The following KCNN3 variants were observed in gnomAD, a reference collection of about 807,000 sequenced individuals.
The protein encoded by KCNN3 is small conductance calcium-activated potassium channel protein 3.
KCNN3 carries 16 observed loss-of-function variants against 62.9 expected under a neutral mutation model. That is an observed-to-expected ratio of 0.25 (90% confidence interval 0.17 to 0.39). KCNN3 has a LOEUF of 0.39. KCNN3 is among the 10% of genes least tolerant of loss of function. KCNN3 has a pLI of 1.00. For missense variants in KCNN3, 599 were observed against 949.4 expected (o/e 0.63, Z 4.85); for synonymous variants, 370 against 389.2 (o/e 0.95, Z 0.58).
intron 3 of KCNN3, among the ~76,000 whole-genome samples, chr1:154,763,838 T>G (rs1337717298): frequency 6.6e-6 from 1 of 152,240 alleles, no homozygotes; most frequent in African/African-American, 2.4e-5. Context: ...AAGATGTTTG[T>G]TTATAGGCTA....
Position 154,699,084 on chromosome 1 carries a change from T to A in KCNN3, c.*8892A>T, listed in dbSNP as rs909119434. The A allele has an allele frequency of 6.6e-6, 1 of 152,016 alleles. No homozygotes were observed. Among genetic ancestry groups the A allele is most frequent in the Non-Finnish European group, 1.5e-5 (1 of 68,004 alleles). The allele number at this position is 152,016 out of a possible 1,614,324, so 9.4% of individuals were successfully genotyped here. On this transcript the variant is annotated 3_prime_UTR_variant, in exon 8 of 8. Transcript: ENST00000271915. The stretch of plus-strand genomic sequence containing the variant: ...GCATTACCACCAAGGGAAAACAAAG[T>A]CACTGAAACAGAAAAATGTTTTCCA...
chr1:154,831,670 C>T (rs1408017029), intron 1 of KCNN3, among the ~76,000 whole-genome samples: 8 of 152,080 alleles, frequency 5.3e-5, no homozygotes, highest in Admixed American at 5.2e-4. Context: ...GGCACATGGC[C>T]ATCCAGTCTC....
chr1:154,798,253 G>A (rs574982542), intron 2 of KCNN3, among the ~76,000 whole-genome samples: 1 of 152,282 alleles, frequency 6.6e-6, no homozygotes, highest in African/African-American at 2.4e-5. Flanking sequence ...AAGAAAGGAA[G>A]GACAGAAAAT....
At chr1:154,713,969 GA>G (rs370366592) in intron 6 of KCNN3, among the ~76,000 whole-genome samples, 11 of 1,970 alleles carry the variant, frequency 5.6e-3, no homozygotes, top group South Asian at 0.025. Flanking sequence ...TGGTGTGTGT[GA>G]TGTGTGGTGT....
At position 154,802,464 on chromosome 1, in the gene KCNN3, T is replaced by A. The variant is rs1404935211; in HGVS notation, c.1029+19625A>T. ...AGGTGTTCAGTGACCTCAGGGCAGC[T>A]GGCCAGGGGCAGGGCCCAGGAAGTA... is the stretch of plus-strand genomic sequence containing the variant. On this transcript the variant is annotated intron_variant, in intron 2 of 7. Coordinates refer to ENST00000271915, the MANE Select transcript of KCNN3 (RefSeq NM_002249.6). 2.0e-5 allele frequency among the ~76,000 whole-genome samples: 3 copies of A among 152,292 alleles called. No individual in the cohort carries two copies. In the East Asian group the frequency reaches 5.8e-4, roughly 29 times the overall value.
In KCNN3 at chr1:154,698,108, T is replaced by C. The variant is rs1297063173; in HGVS notation, c.*9868A>G. On this transcript the variant is annotated 3_prime_UTR_variant, in exon 8 of 8. Transcript: ENST00000271915. ...ACAGCAGTAGAAATGCAGCTAGATA[T>C]ATTTTTGAAAACATTTTTTAGGTCT... 1 of 152,218 alleles carries C rather than the reference T, an allele frequency of 6.6e-6. No homozygotes were observed. Among genetic ancestry groups the C allele is most frequent in the Non-Finnish European group, 1.5e-5 (1 of 68,040 alleles). 9.4% of individuals were successfully genotyped at this position (152,218 alleles called of 1,614,324 possible). A position where few individuals can be genotyped will look rare whatever the true frequency, so the allele number is the denominator to read the frequency against.
chr1:154,753,244 A>G (rs12122731), intron 3 of KCNN3, among the ~76,000 whole-genome samples: 61,594 of 151,920 alleles, frequency 0.41, 12,779 homozygotes, highest in East Asian at 0.57. Context: ...TTCTCCAAAA[A>G]AGTCTAGCCA....
In KCNN3 at chr1:154,699,227, T is replaced by TA. The variant is rs1368148294; in HGVS notation, c.*8748dup. ...TATCCTTTACCTTTTTAATAAAAAG[T>TA]AAAAAACAAACAAAAAATACATCAA... On this transcript the variant is annotated 3_prime_UTR_variant, in exon 8 of 8. Transcript: ENST00000271915. 1 of 148,378 alleles carries TA rather than the reference T, an allele frequency of 6.7e-6. No individual in the cohort carries two copies. The highest frequency in any genetic ancestry group is 1.5e-5 in the Non-Finnish European group (1 of 66,944). The allele number at this position is 148,378 out of a possible 1,614,324, so 9.2% of individuals were successfully genotyped here.
At chr1:154,744,514 G>A (rs903838573) in intron 3 of KCNN3, among the ~76,000 whole-genome samples, 6 of 152,298 alleles carry the variant, frequency 3.9e-5, no homozygotes, top group Non-Finnish European at 5.9e-5. Flanking sequence ...CAAAATACCC[G>A]CTCAGCCACT....
chr1:154,756,684 T>A (rs1365464780), intron 3 of KCNN3, among the ~76,000 whole-genome samples: 1 of 152,046 alleles, frequency 6.6e-6, no homozygotes, highest in Non-Finnish European at 1.5e-5. Flanking sequence ...CCCAGATGAG[T>A]AGGATCCCAA....
At chr1:154,814,153 C>A (rs532976946) in intron 2 of KCNN3, among the ~76,000 whole-genome samples, 2 of 152,362 alleles carry the variant, frequency 1.3e-5, no homozygotes, top group African/African-American at 4.8e-5. Context: ...GCAGAAAGCA[C>A]GGGCCAGATG....
At chr1:154,714,474 G>T (rs1000093122) in intron 6 of KCNN3, among the ~76,000 whole-genome samples, 5,900 of 32,942 alleles carry the variant, frequency 0.18, 1 homozygote, top group Middle Eastern at 0.25. Flanking sequence ...GGTGTGTATG[G>T]TGTGTGTGTG....
intron 3 of KCNN3, among the ~76,000 whole-genome samples, chr1:154,740,909 A>G (rs1700810998): frequency 1.3e-5 from 2 of 152,118 alleles, no homozygotes; most frequent in African/African-American, 4.8e-5. Flanking sequence ...GTGTGTTGCA[A>G]ATATCTTCTT....
At chr1:154,737,017 T>C (rs754561994) in intron 3 of KCNN3, 5 of 701,604 alleles carry the variant, frequency 7.1e-6, no homozygotes, top group Non-Finnish European at 2.6e-6. Context: ...AGCTTCGTCA[T>C]GGAGATAAGA....
At chr1:154,745,060 A>C (rs1700910632) in intron 3 of KCNN3, among the ~76,000 whole-genome samples, 2 of 152,148 alleles carry the variant, frequency 1.3e-5, no homozygotes, top group Admixed American at 6.5e-5. Flanking sequence ...AGGACACCAC[A>C]TGCATGTATA....
chr1:154,859,959 T>C, intron 1 of KCNN3: 2 of 816,870 alleles, frequency 2.4e-6, no homozygotes, highest in Non-Finnish European at 3.8e-6. Context: ...ATGCTGTTCA[T>C]TTAGTATCAT....
rs767408250 is a variant in KCNN3 at position 154,809,114 on chromosome 1, C to T, written c.1029+12975G>A. 3.9e-5 allele frequency among the ~76,000 whole-genome samples: 6 copies of T among 152,212 alleles called. No individual in the cohort carries two copies. The highest frequency in any genetic ancestry group is 5.9e-5 in the Non-Finnish European group (4 of 68,032). ...TGTGGCTGAGCAGTGTCTCTGAGAA[C>T]GTCCAGCCACGGTGGCCATGCCTCA... On this transcript the variant is annotated intron_variant, in intron 2 of 7. Transcript: ENST00000271915. The surrounding 1 kb of genome is among the most constrained non-coding windows in gnomAD (Gnocchi z 4.3).
rs530034245 is a variant in KCNN3 at position 154,749,918 on chromosome 1, T to C, written c.1449-16774A>G. Among the ~76,000 whole-genome samples, 3 of 152,204 alleles carry C rather than the reference T, an allele frequency of 2.0e-5. No individual in the cohort carries two copies. In the South Asian group the frequency reaches 6.2e-4, roughly 32 times the overall value. On this transcript the variant is annotated intron_variant, in intron 3 of 7. Coordinates refer to ENST00000271915, the MANE Select transcript of KCNN3 (RefSeq NM_002249.6). Reference sequence around the variant, plus strand: ...CCAGGGAGTGCAGCTGTCCCTGACCTCTCGCCTCTTTCCATAGGCCTGGGC... The same window carrying C: ...CCAGGGAGTGCAGCTGTCCCTGACCCCTCGCCTCTTTCCATAGGCCTGGGC...
intron 2 of KCNN3, among the ~76,000 whole-genome samples, chr1:154,782,662 A>G (rs375199586): frequency 1.2e-4 from 19 of 152,364 alleles, no homozygotes; most frequent in African/African-American, 4.6e-4. Context: ...CTTTTGTGTC[A>G]AAATTACCCA....
Sources: gnomAD v4.1 joint callset for allele counts (sites outside exome capture counted in the v4.1 genomes callset) on GRCh38, gnomAD v4.1.1 for gene constraint, Gnocchi (gnomAD v3.1) non-coding constraint, MANE v1.5 for transcripts, NCBI Gene and HGNC (gene_info 2026-07-23, HGNC 2026-07-21) for gene names.